Variants in KATNIP observed in about 807,000 individuals in gnomAD.
KATNIP encodes katanin-interacting protein.
Under a neutral mutation model 174.0 loss-of-function variants are expected in KATNIP, and 126 were observed. The ratio of observed to expected loss-of-function variants is 0.72; its 90% CI spans 0.63 to 0.84. The LOEUF (loss-of-function observed/expected upper bound fraction) is 0.84. Among genes scored for constraint, KATNIP ranks in the 40% least tolerant of loss-of-function variants. The pLI is 0.00. For missense variants in KATNIP, 1,958 were observed against 2,109.7 expected, an observed-to-expected ratio of 0.93 and a Z score of 1.41; for synonymous variants, 810 against 835.7, an observed-to-expected ratio of 0.97 and a Z score of 0.53.
chr16:27,562,844 A>G (rs892036502), intron 1 of KATNIP, among the ~76,000 whole-genome samples: 12 of 152,200 alleles, frequency 7.9e-5, no homozygotes, highest in Non-Finnish European at 1.3e-4. Context: ...ATTATCTTCA[A>G]TGGGGTATTA....
chr16:27,581,085 T>C (rs2090682417), intron 2 of KATNIP, among the ~76,000 whole-genome samples: 1 of 152,142 alleles, frequency 6.6e-6, no homozygotes. Context: ...ATATAATGTA[T>C]GTGTACAGCA....
Position 27,681,262 on chromosome 16 carries a change from C to G in KATNIP, c.809-137C>G, listed in dbSNP as rs556331572. 1.5e-5 allele frequency: 17 copies of G among 1,145,758 alleles called. No individual in the cohort carries two copies. In the African/African-American group the frequency reaches 2.6e-4, roughly 17 times the overall value. The allele number at this position is 1,145,758 out of a possible 1,614,324, so 71.0% of individuals were successfully genotyped here. A position where few individuals can be genotyped will look rare whatever the true frequency, so the allele number is the denominator to read the frequency against. On this transcript the variant is annotated intron_variant, in intron 7 of 27. Coordinates refer to ENST00000261588, the MANE Select transcript of KATNIP (RefSeq NM_015202.5). ...TTCGTCGCCTGCATTATTCACATCTCTAATCCCAAACTGCACAAAGTAGTT... is the reference window on the plus strand; with the variant it reads ...TTCGTCGCCTGCATTATTCACATCTGTAATCCCAAACTGCACAAAGTAGTT...
chr16:27,609,378 CTTTTTTTTTTTTT>C lies in KATNIP; in HGVS notation c.64-9029_64-9017del, dbSNP rs35339029. On this transcript the variant is annotated intron_variant, in intron 2 of 27. Transcript: ENST00000261588. ...TGAGAAGGGAATATCTGAGTTAAGT[CTTTTTTTTTTTTT>C]TTTTTTTTTTTTTTTTTGAGACGGA... 5.4e-5 allele frequency among the ~76,000 whole-genome samples: 3 copies of C among 55,634 alleles called. No homozygotes were observed. In the South Asian group the frequency reaches 3.3e-3, roughly 62 times the overall value. 36.5% of individuals were successfully genotyped at this position (55,634 alleles called of 152,430 possible). A position where few individuals can be genotyped will look rare whatever the true frequency, so the allele number is the denominator to read the frequency against.
chr16:27,755,604 G>A (rs2081691992), intron 18 of KATNIP: 1 of 152,212 alleles, frequency 6.6e-6, no homozygotes, highest in Non-Finnish European at 1.5e-5. Context: ...CTGCCCCTGG[G>A]GAGGGGCATG....
chr16:27,645,350 G>C, intron 5 of KATNIP, among the ~76,000 whole-genome samples: 1 of 152,186 alleles, frequency 6.6e-6, no homozygotes, highest in East Asian at 1.9e-4. Flanking sequence ...ACCGGGCTCA[G>C]GGAGGCTAGA....
At chr16:27,663,118 T>A (rs1441534178) in intron 6 of KATNIP, among the ~76,000 whole-genome samples, 1 of 151,340 alleles carries the variant, frequency 6.6e-6, no homozygotes, top group Non-Finnish European at 1.5e-5. Context: ...TTAAGTTAAA[T>A]GTTTAATTTA....
rs186328830 is a variant in KATNIP at position 27,742,133 on chromosome 16, T to G, written c.2623+1213T>G. 2.2e-4 allele frequency among the ~76,000 whole-genome samples: 33 copies of G among 152,132 alleles called. 1 individual carries two copies. Among genetic ancestry groups the G allele is most frequent in the African/African-American group, 7.7e-4 (32 of 41,490 alleles). On this transcript the variant is annotated intron_variant, in intron 15 of 27. Coordinates refer to ENST00000261588, the MANE Select transcript of KATNIP (RefSeq NM_015202.5). ...GATGGTCTTCAAGGGCATTCCTGAT[T>G]ATGAAAGGAGAGCCCATCAAGGCAG...
chr16:27,558,534 C>G (rs1432465428), intron 1 of KATNIP, among the ~76,000 whole-genome samples: 1 of 152,198 alleles, frequency 6.6e-6, no homozygotes. Flanking sequence ...AAACAGATGA[C>G]TACATTTCAA....
intron 6 of KATNIP, among the ~76,000 whole-genome samples, chr16:27,654,177 T>C (rs2077198543): frequency 6.6e-6 from 1 of 152,182 alleles, no homozygotes; most frequent in South Asian, 2.1e-4. Flanking sequence ...GATTTCACCA[T>C]GTTGGCCAGG....
intron 1 of KATNIP, among the ~76,000 whole-genome samples, chr16:27,552,157 C>T (rs2089406437): frequency 6.6e-6 from 1 of 152,082 alleles, no homozygotes; most frequent in South Asian, 2.1e-4. Context: ...TATGTTTTTT[C>T]AAGTTTATTC....
chr16:27,586,727 G>A (rs1432020253), intron 2 of KATNIP, among the ~76,000 whole-genome samples: 3 of 151,768 alleles, frequency 2.0e-5, no homozygotes, highest in African/African-American at 7.3e-5. Context: ...TACTTGGGAG[G>A]CCGAGGTCGG....
intron 8 of KATNIP, among the ~76,000 whole-genome samples, chr16:27,693,246 G>A (rs1257680704): frequency 6.6e-6 from 1 of 152,174 alleles, no homozygotes; most frequent in Non-Finnish European, 1.5e-5. Context: ...TGACAGATGA[G>A]AAGGGCAAAG....
chr16:27,761,737 C>T (rs1001170371), intron 19 of KATNIP, 147 bp downstream of exon 19: 18 of 729,426 alleles, frequency 2.5e-5, no homozygotes, highest in Middle Eastern at 2.8e-4. Flanking sequence ...CAAGGGAAAC[C>T]GAGGCTCAGG....
chr16:27,689,980 G>T (rs1269899435), intron 8 of KATNIP, among the ~76,000 whole-genome samples: 6 of 152,132 alleles, frequency 3.9e-5, no homozygotes, highest in Admixed American at 3.3e-4. Context: ...GCTTGGTCAT[G>T]ATTGCTAATG....
intron 8 of KATNIP, chr16:27,685,210 A>T (rs959136852): frequency 8.5e-5 from 13 of 152,108 alleles, no homozygotes; most frequent in Admixed American, 7.2e-4. Flanking sequence ...AGCATGGCAA[A>T]ACCCCATCTC....
intron 17 of KATNIP, among the ~76,000 whole-genome samples, chr16:27,752,840 C>T (rs746641869): frequency 2.0e-5 from 3 of 151,950 alleles, no homozygotes; most frequent in Non-Finnish European, 2.9e-5. Context: ...AGGCAAGAGC[C>T]GCCACACTTA....
intron 5 of KATNIP, chr16:27,644,687 T>A (rs1302556945): frequency 1.3e-5 from 2 of 152,142 alleles, no homozygotes; most frequent in Non-Finnish European, 2.9e-5. Flanking sequence ...TCTATTTATT[T>A]TTTTAGAGAT....
chr16:27,702,524 G>A (rs2079139471), intron 11 of KATNIP, among the ~76,000 whole-genome samples: 1 of 152,200 alleles, frequency 6.6e-6, no homozygotes, highest in Non-Finnish European at 1.5e-5. Context: ...CACTCTGAGG[G>A]CCACTGCACA....
intron 18 of KATNIP, chr16:27,757,620 A>G (rs945244386): frequency 3.5e-5 from 22 of 634,596 alleles, no homozygotes; most frequent in South Asian, 7.0e-5. Flanking sequence ...AGGCAAGTGT[A>G]ATTTCTCTTC....
Sources: allele counts gnomAD v4.1 joint callset (sites outside exome capture counted in the v4.1 genomes callset), GRCh38; gene constraint gnomAD v4.1.1; transcripts MANE v1.5; gene names NCBI Gene and HGNC (gene_info 2026-07-23, HGNC 2026-07-21).